Variants in TFPI2 observed in about 807,000 individuals in gnomAD.
TFPI2 encodes the protein placental protein 5.
TFPI2 carries 23 observed loss-of-function variants against 23.1 expected under a neutral mutation model. The observed-to-expected ratio is 1.00, with a 90% CI of 0.72 to 1.41. The LOEUF is 1.41. TFPI2 is among the 40% of genes most tolerant of loss of function. The pLI is 0.00. For missense variants in TFPI2, 291 were observed against 299.6 expected, an observed-to-expected ratio of 0.97 and a Z score of 0.21; for synonymous variants, 119 against 111.7, an observed-to-expected ratio of 1.07 and a Z score of -0.41.
Position 93,889,184 on chromosome 7 carries a change from T to A in TFPI2, c.311A>T (p.Asp104Val). ...KVCRLQVSVD[D>V]QCEGSTEKYF... ...CTTTTCTGTGGACCCCTCACACTGG[T>A]CGTCCACACTCACTTGCAGCCGGCA... is the stretch of plus-strand genomic sequence containing the variant. The change falls in exon 3 of 5, where the codon GAC becomes GTC. Residue 104 changes from aspartate to valine, a missense_variant. Transcript: ENST00000222543. 6.2e-7 allele frequency: 1 copy of A among 1,600,390 alleles called. No individual in the cohort carries two copies. The highest frequency in any genetic ancestry group is 8.5e-7 in the Non-Finnish European group (1 of 1,174,132).
Position 93,890,281 on chromosome 7 carries a change from C to A in TFPI2, c.127G>T (p.Gly43Ter). ...AEICLLPLDY[G>*]PCRALLLRYY... ...CGGAGAAGTAGGGCCCGGCAGGGTC[C>A]GTAGTCTAGGGGCAGGAGACAGATC... Residue 43 changes from glycine (G) to a stop codon, truncating the protein, a stop_gained, in exon 2 of 5, where the codon GGA becomes TGA. Transcript: ENST00000222543. LOFTEE classifies it high-confidence loss of function. 1 of 1,613,252 alleles carries A rather than the reference C, an allele frequency of 6.2e-7. No homozygotes were observed. The highest frequency in any genetic ancestry group is 8.5e-7 in the Non-Finnish European group (1 of 1,179,334).
rs766778602 is a variant in TFPI2, at chr7:93,890,315, AT to A, written c.92del (p.Asn31IlefsTer10). On this transcript the variant is annotated frameshift_variant, in exon 2 of 5. Coordinates refer to ENST00000222543, the MANE Select transcript of TFPI2 (RefSeq NM_006528.4). LOFTEE classifies it high-confidence loss of function. ...GGGGCAGGAGACAGATCTCCGCGTT[AT>A]TTCCTGAAGAAGGGGCAGAAGGAGA... ...LGDAAQEPTGNNAEICLLPLD... is the reference protein window; with the variant it reads ...LGDAAQEPTGXNAEICLLPLD... 1.7e-4 allele frequency: 273 copies of A among 1,604,268 alleles called. 2 individuals are homozygous for A. In the East Asian group the frequency reaches 6.0e-3, roughly 35 times the overall value.
chr7:93,889,200 G>A lies in TFPI2; in HGVS notation c.295C>T (p.Gln99Ter), dbSNP rs1337623922. The A allele has an allele frequency of 6.3e-7, 1 of 1,585,276 alleles. No homozygotes were observed. Among genetic ancestry groups the A allele is most frequent in the South Asian group, 1.2e-5 (1 of 85,742 alleles). Residue 99 changes from glutamine (Q) to a stop codon, truncating the protein, a stop_gained, in exon 3 of 5, where the codon CAA becomes TAA. Coordinates refer to ENST00000222543, the MANE Select transcript of TFPI2 (RefSeq NM_006528.4). LOFTEE classifies it high-confidence loss of function. ...IEKVPKVCRLQVSVDDQCEGS... is the reference protein window; with the variant it reads ...IEKVPKVCRL The stretch of plus-strand genomic sequence containing the variant: ...TCACACTGGTCGTCCACACTCACTT[G>A]CAGCCGGCAAACTTTGGGAACTTCT...
rs1584074710 is a variant in TFPI2 at position 93,886,897 on chromosome 7, C to G, written c.632-1G>C. On this transcript the variant is annotated splice_acceptor_variant, in intron 4 of 4. Transcript: ENST00000222543. LOFTEE classifies it high-confidence loss of function. Reference sequence around the variant, plus strand: ...GGCATCTTCTTTTTCTTTTTCAAAGCTAAAATCAATAAAACGACAATGAAA... The same window carrying G: ...GGCATCTTCTTTTTCTTTTTCAAAGGTAAAATCAATAAAACGACAATGAAA... 9 of 1,535,836 alleles carry G rather than the reference C, an allele frequency of 5.9e-6. No individual in the cohort carries two copies. Among genetic ancestry groups the G allele is most frequent in the African/African-American group, 4.3e-5 (3 of 70,248 alleles).
Position 93,886,784 on chromosome 7 carries a change from G to A in TFPI2, c.*36C>T. ...CAGATACAACCATAAAGGCAAATAAGCCATAAAGACAAACAAGATGACATA... is the reference window on the plus strand; with the variant it reads ...CAGATACAACCATAAAGGCAAATAAACCATAAAGACAAACAAGATGACATA... On this transcript the variant is annotated 3_prime_UTR_variant, in exon 5 of 5. Coordinates refer to ENST00000222543, the MANE Select transcript of TFPI2 (RefSeq NM_006528.4). 1.5e-6 allele frequency: 2 copies of A among 1,317,072 alleles called. No individual in the cohort carries two copies. Among genetic ancestry groups the A allele is most frequent in the South Asian group, 1.4e-5 (1 of 69,858 alleles). 81.6% of individuals were successfully genotyped at this position (1,317,072 alleles called of 1,614,324 possible).
At chr7:93,887,937 A>G (rs888198666) in intron 3 of TFPI2, among the ~76,000 whole-genome samples, 8 of 152,240 alleles carry the variant, frequency 5.3e-5, no homozygotes, top group African/African-American at 1.9e-4. Context: ...AAGATTTTGC[A>G]TATTCAACAC....
rs563832519 is a variant in TFPI2, at chr7:93,886,878, T to G, written c.650A>C (p.Lys217Thr). 2.6e-6 allele frequency: 4 copies of G among 1,547,742 alleles called. No individual in the cohort carries two copies. Among genetic ancestry groups the G allele is most frequent in the African/African-American group, 1.4e-5 (1 of 70,604 alleles). The change falls in exon 5 of 5, where the codon AAG becomes ACG. Residue 217 changes from lysine (K) to threonine (T), a missense_variant. By Grantham distance (78) the Lys-to-Thr change is moderately conservative (BLOSUM62 -1). Coordinates refer to ENST00000222543, the MANE Select transcript of TFPI2 (RefSeq NM_006528.4). ...ACAKALKKKK[K>T]MPKLRFASRI... ...ACTGGCAAAGCGAAGCTTTGGCATC[T>G]TCTTTTTCTTTTTCAAAGCTAAAAT...
intron 2 of TFPI2, 118 bp downstream of exon 2, chr7:93,890,019 C>A (rs1473332258): frequency 9.0e-7 from 1 of 1,113,598 alleles, no homozygotes; most frequent in African/African-American, 1.6e-5. Context: ...TTGCTTAACA[C>A]TTGAGAAAAC....
Position 93,890,195 on chromosome 7 carries a change from G to A in TFPI2, c.213C>T (p.Gly71=), listed in dbSNP as rs1433075166. ...CRQFLYGGCE[G]NANNFYTWEA... Reference sequence around the variant, plus strand: ...CCCAGGTGTAGAAATTGTTGGCGTTGCCCTCGCAGCCCCCGTACAGGAACT... The same window carrying A: ...CCCAGGTGTAGAAATTGTTGGCGTTACCCTCGCAGCCCCCGTACAGGAACT... Residue 71 remains glycine, a synonymous_variant, in exon 2 of 5, where the codon GGC becomes GGT. Coordinates refer to ENST00000222543, the MANE Select transcript of TFPI2 (RefSeq NM_006528.4). 1 of 1,613,440 alleles carries A rather than the reference G, an allele frequency of 6.2e-7. No homozygotes were observed. Among genetic ancestry groups the A allele is most frequent in the East Asian group, 2.2e-5 (1 of 44,860 alleles).
At chr7:93,890,534 G>T (rs1794113398) in intron 1 of TFPI2, 57 bp downstream of exon 1, 2 of 1,571,396 alleles carry the variant, frequency 1.3e-6, no homozygotes, top group Non-Finnish European at 1.7e-6. Context: ...GGGGCCCCAT[G>T]GCCCGCTGCG....
rs1044308609 is a variant in TFPI2 at position 93,885,625 on chromosome 7, A to T, written c.*1195T>A. On this transcript the variant is annotated 3_prime_UTR_variant, in exon 5 of 5. Transcript: ENST00000222543. ...TACTGTTCTAGGCCCTGTGTTTCTT[A>T]TGTATCCTGGGAGTCAGAAGATATG... The T allele has an allele frequency of 2.0e-5, 3 of 151,888 alleles. No homozygotes were observed. The highest frequency in any genetic ancestry group is 4.4e-5 in the Non-Finnish European group (3 of 67,896). The allele number at this position is 151,888 out of a possible 1,614,324, so 9.4% of individuals were successfully genotyped here.
Position 93,889,237 on chromosome 7 carries a change from G to C in TFPI2, c.272-14C>G. On this transcript the variant is annotated splice_polypyrimidine_tract_variant and intron_variant, in intron 2 of 4. Transcript: ENST00000222543. ...CTTTGGGAACTTCTAGGAAAAGGAG[G>C]GTAATAGAACAATGTTAGTCAAAAG... is the stretch of plus-strand genomic sequence containing the variant. 1 of 1,566,036 alleles carries C rather than the reference G, an allele frequency of 6.4e-7. No homozygotes were observed. The highest frequency in any genetic ancestry group is 1.2e-5 in the South Asian group (1 of 82,940).
In TFPI2 at chr7:93,886,727, G is replaced by T; in HGVS notation, c.*93C>A. The T allele has an allele frequency of 2.2e-6, 2 of 904,240 alleles. No homozygotes were observed. Among genetic ancestry groups the T allele is most frequent in the African/African-American group, 1.8e-5 (1 of 56,602 alleles). 56.0% of individuals were successfully genotyped at this position (904,240 alleles called of 1,614,324 possible). A position where few individuals can be genotyped will look rare whatever the true frequency, so the allele number is the denominator to read the frequency against. Reference sequence around the variant, plus strand: ...AAAAACTGGTGAATAAATCACCAATGATTTGTTTCCTCATGCTGTCATATT... The same window carrying T: ...AAAAACTGGTGAATAAATCACCAATTATTTGTTTCCTCATGCTGTCATATT... On this transcript the variant is annotated 3_prime_UTR_variant, in exon 5 of 5. Transcript: ENST00000222543.
intron 3 of TFPI2, among the ~76,000 whole-genome samples, chr7:93,888,549 G>GAAGGAAGGAAGGAAGA: frequency 1.5e-5 from 1 of 64,912 alleles, no homozygotes; most frequent in African/African-American, 7.5e-5. Flanking sequence ...AGGAAAGAAG[G>GAAGGAAGGAAGGAAGA]AAGGAAGGAA....
chr7:93,888,200 C>T (rs916190983), intron 3 of TFPI2, among the ~76,000 whole-genome samples: 1 of 152,080 alleles, frequency 6.6e-6, no homozygotes, highest in Non-Finnish European at 1.5e-5. Context: ...GAAATCTAAC[C>T]GAAAACTTTA....
Position 93,887,282 on chromosome 7 carries a change from A to G in TFPI2, c.610T>C (p.Cys204Arg), listed in dbSNP as rs1562777827. The G allele has an allele frequency of 6.2e-7, 1 of 1,611,948 alleles. No homozygotes were observed. The highest frequency in any genetic ancestry group is 1.7e-5 in the Admixed American group (1 of 59,878). ...NDNNFVSRED[C>R]KRACAKALKK... ...CTACCTTTTGCACATGCACGTTTGC[A>G]ATCCTCCCTGCTAACAAAGTTATTG... The change falls in exon 4 of 5, where the codon TGC becomes CGC. Residue 204 changes from cysteine to arginine, a missense_variant. Coordinates refer to ENST00000222543, the MANE Select transcript of TFPI2 (RefSeq NM_006528.4).
At position 93,890,188 on chromosome 7, in the gene TFPI2, TGG is replaced by T; in HGVS notation, c.218_219del (p.Ala73GlufsTer34). On this transcript the variant is annotated frameshift_variant, in exon 2 of 5. Transcript: ENST00000222543. LOFTEE classifies it high-confidence loss of function. ...CAAGCCTCCCAGGTGTAGAAATTGT[TGG>T]CGTTGCCCTCGCAGCCCCCGTACAG... Reference protein sequence around the residue: ...QFLYGGCEGNANNFYTWEACD... With the variant: ...QFLYGGCEGNXNNFYTWEACD... The T allele has an allele frequency of 1.9e-6, 3 of 1,613,570 alleles. No homozygotes were observed. Among genetic ancestry groups the T allele is most frequent in the Non-Finnish European group, 2.5e-6 (3 of 1,179,600 alleles).
At position 93,889,191 on chromosome 7, in the gene TFPI2, C is replaced by T. The variant is rs760391054; in HGVS notation, c.304G>A (p.Val102Met). ...VPKVCRLQVS[V>M]DDQCEGSTEK... Reference sequence around the variant, plus strand: ...GTGGACCCCTCACACTGGTCGTCCACACTCACTTGCAGCCGGCAAACTTTG... The same window carrying T: ...GTGGACCCCTCACACTGGTCGTCCATACTCACTTGCAGCCGGCAAACTTTG... The change falls in exon 3 of 5, where the codon GTG (valine) becomes ATG (methionine). Residue 102 changes from valine (V) to methionine (M), a missense_variant. Val to Met is a conservative substitution (Grantham distance 21). Coordinates refer to ENST00000222543, the MANE Select transcript of TFPI2 (RefSeq NM_006528.4). 3 of 1,595,856 alleles carry T rather than the reference C, an allele frequency of 1.9e-6. No homozygotes were observed. The South Asian group carries it at 3.4e-5, about 18-fold the overall frequency.
At chr7:93,888,495 A>G (rs1794039301) in intron 3 of TFPI2, among the ~76,000 whole-genome samples, 1 of 150,398 alleles carries the variant, frequency 6.6e-6, no homozygotes, top group Non-Finnish European at 1.5e-5. Flanking sequence ...CGTCGAAAGA[A>G]AAAAGAAAGA....
Sources: allele counts gnomAD v4.1 joint callset (sites outside exome capture counted in the v4.1 genomes callset), GRCh38; gene constraint gnomAD v4.1.1; transcripts MANE v1.5; gene names NCBI Gene and HGNC (gene_info 2026-07-23, HGNC 2026-07-21).